The following KTN1 variants were observed in gnomAD, a reference collection of about 807,000 sequenced individuals.
The protein encoded by KTN1 is kinectin 1.
KTN1 carries 130 observed loss-of-function variants against 222.5 expected under a neutral mutation model. The observed-to-expected ratio is 0.58, with a 90% confidence interval of 0.51 to 0.68. The LOEUF (loss-of-function observed/expected upper bound fraction) is 0.68, where lower values mean the gene tolerates loss of function less well. Ranked by LOEUF, KTN1 falls within the 30% of genes least tolerant of loss-of-function variation. The probability of loss-of-function intolerance (pLI) is 0.00; values close to 1 mark genes in which losing one functional copy is unlikely to be tolerated. For synonymous variants in KTN1, 512 were observed against 496.3 expected (o/e 1.03, Z -0.42); for missense variants, 1,508 against 1,500.4 (o/e 1.01, Z -0.08).
chr14:55,674,758 A>G (rs1340650466), intron 40 of KTN1: 1 of 152,080 alleles, frequency 6.6e-6, no homozygotes, highest in African/African-American at 2.4e-5. Context: ...TCAGGAGATC[A>G]TTTTTAGTGG....
In KTN1 at chr14:55,612,500, A is replaced by C. The variant is rs2037732530; in HGVS notation, c.452A>C (p.Gln151Pro). The C allele has an allele frequency of 6.2e-7, 1 of 1,613,042 alleles. No individual in the cohort carries two copies. ...KKVEPVPVTK[Q>P]PTPPSEAAAS... ...GTAGAACCTGTCCCAGTTACTAAAC[A>C]GCCCACCCCTCCCTCTGAAGCAGCT... is the stretch of plus-strand genomic sequence containing the variant. The change falls in exon 2 of 44, where the codon CAG (glutamine) becomes CCG (proline). Residue 151 changes from glutamine (Q) to proline (P), a missense_variant. By Grantham distance (76) the Gln-to-Pro change is moderately conservative. Transcript: ENST00000395314.
chr14:55,656,478 T>C (rs530245908), intron 29 of KTN1: 2 of 177,522 alleles, frequency 1.1e-5, no homozygotes, highest in Non-Finnish European at 2.3e-5. Flanking sequence ...TTTATTTTTA[T>C]TTTTGAGACA....
At chr14:55,589,697 C>T (rs376882976) in intron 1 of KTN1, among the ~76,000 whole-genome samples, 33 of 124,054 alleles carry the variant, frequency 2.7e-4, no homozygotes, top group African/African-American at 8.2e-4. Flanking sequence ...GTCTCTCTGT[C>T]GCCCAGGCTG....
At chr14:55,650,779 T>A (rs2042861356) in intron 24 of KTN1, 142 bp downstream of exon 24, 1 of 551,760 alleles carries the variant, frequency 1.8e-6, no homozygotes, top group East Asian at 3.0e-5. Context: ...ATTTTTTGCC[T>A]GATTTGAGAA....
At chr14:55,658,394 C>T in intron 29 of KTN1, 152 bp from the exon 30 acceptor site, 1 of 592,236 alleles carries the variant, frequency 1.7e-6, no homozygotes, top group Non-Finnish European at 3.0e-6. Context: ...CTAATTTCAT[C>T]ATATGTTTTA....
intron 7 of KTN1, among the ~76,000 whole-genome samples, chr14:55,631,440 G>C (rs1367361668): frequency 1.3e-5 from 2 of 148,712 alleles, no homozygotes; most frequent in African/African-American, 5.0e-5. Context: ...CTTTATGCTT[G>C]AATCCTGTGA....
At chr14:55,647,218 T>C (rs1252883431) in intron 19 of KTN1, among the ~76,000 whole-genome samples, 1 of 152,204 alleles carries the variant, frequency 6.6e-6, no homozygotes, top group Non-Finnish European at 1.5e-5. Context: ...CTTGAGTACA[T>C]TTTACTTGTA....
chr14:55,646,960 A>T lies in KTN1; in HGVS notation c.2173-13A>T, dbSNP rs369893726. The stretch of plus-strand genomic sequence containing the variant: ...TGGTAAAGTTAAACTTTTTTTGGTG[A>T]TTTTTATTTTAGCCTAATAAGGATG... On this transcript the variant is annotated splice_polypyrimidine_tract_variant and intron_variant, in intron 18 of 43. Coordinates refer to ENST00000395314, the MANE Select transcript of KTN1 (RefSeq NM_001079521.2). 3.3e-6 allele frequency: 5 copies of T among 1,499,608 alleles called. No homozygotes were observed. The highest frequency in any genetic ancestry group is 4.6e-6 in the Non-Finnish European group (5 of 1,081,684). 92.9% of individuals were successfully genotyped at this position (1,499,608 alleles called of 1,614,324 possible).
chr14:55,589,908 C>T (rs2033804028), intron 1 of KTN1, among the ~76,000 whole-genome samples: 1 of 151,998 alleles, frequency 6.6e-6, no homozygotes, highest in Non-Finnish European at 1.5e-5. Flanking sequence ...CTGCCCACCT[C>T]AGCCTCCTAA....
At chr14:55,585,722 GGAGAGTAATT>G (rs1302749483) in intron 1 of KTN1, among the ~76,000 whole-genome samples, 1 of 152,164 alleles carries the variant, frequency 6.6e-6, no homozygotes, top group Non-Finnish European at 1.5e-5. Flanking sequence ...TAAGTGAGTA[GGAGAGTAATT>G]GCTAGCCAGA....
At position 55,674,622 on chromosome 14, in the gene KTN1, C is replaced by A. The variant is rs117775265; in HGVS notation, c.3772-1213C>A. 13 of 152,210 alleles carry A rather than the reference C, an allele frequency of 8.5e-5. No homozygotes were observed. The East Asian group carries it at 2.5e-3, about 29-fold the overall frequency. The allele number at this position is 152,210 out of a possible 1,614,324, so 9.4% of individuals were successfully genotyped here. On this transcript the variant is annotated intron_variant, in intron 40 of 43. Transcript: ENST00000395314. ...TCCTCACTCTATGTTTTTAAAAAAT[C>A]ATTTCTAACTAGTTGTTAGAGTTTT...
Position 55,612,313 on chromosome 14 carries a change from G to A in KTN1, c.265G>A (p.Ala89Thr), listed in dbSNP as rs1451505769. The A allele has an allele frequency of 2.5e-6, 4 of 1,613,952 alleles. No individual in the cohort carries two copies. In the African/African-American group the frequency reaches 4.0e-5, roughly 16 times the overall value. ...SVPRDFKLSD[A>T]LAVEDDQVAP... is the part of the protein sequence containing the mutation. Reference sequence around the variant, plus strand: ...ACCTCGAGACTTTAAATTATCAGATGCTTTGGCAGTAGAAGATGATCAAGT... The same window carrying A: ...ACCTCGAGACTTTAAATTATCAGATACTTTGGCAGTAGAAGATGATCAAGT... Residue 89 changes from alanine (A) to threonine (T), a missense_variant, in exon 2 of 44, where the codon GCT becomes ACT. Transcript: ENST00000395314.
chr14:55,584,549 G>C (rs994605234), intron 1 of KTN1, among the ~76,000 whole-genome samples: 1 of 152,140 alleles, frequency 6.6e-6, no homozygotes, highest in African/African-American at 2.4e-5. Flanking sequence ...TCCAGTCTTT[G>C]CTTTTTAAAT....
chr14:55,682,405 A>G (rs2046452876), intron 43 of KTN1: 1 of 152,150 alleles, frequency 6.6e-6, no homozygotes, highest in African/African-American at 2.4e-5. Flanking sequence ...GTTCCCAGAT[A>G]TCTACTCTTT....
intron 1 of KTN1, among the ~76,000 whole-genome samples, chr14:55,585,826 G>A (rs8023112): frequency 0.021 from 3,201 of 152,316 alleles, 120 homozygotes; most frequent in African/African-American, 0.073. Flanking sequence ...CTGTAAGACA[G>A]CTTCCACTTT....
At chr14:55,620,400 G>T (rs927408680) in intron 5 of KTN1, among the ~76,000 whole-genome samples, 1 of 152,206 alleles carries the variant, frequency 6.6e-6, no homozygotes, top group African/African-American at 2.4e-5. Context: ...GGGACTTAGT[G>T]TGTAGGTTTC....
chr14:55,621,139 T>A (rs1186040261), intron 5 of KTN1, among the ~76,000 whole-genome samples: 1 of 152,126 alleles, frequency 6.6e-6, no homozygotes, highest in Non-Finnish European at 1.5e-5. Flanking sequence ...TCGCCTTTAC[T>A]CCATTTCCCA....
intron 20 of KTN1, among the ~76,000 whole-genome samples, chr14:55,648,534 A>C (rs1479532625): frequency 6.6e-6 from 1 of 152,194 alleles, no homozygotes; most frequent in African/African-American, 2.4e-5. Context: ...TAGCTTAACT[A>C]ACAAGTTGTA....
intron 31 of KTN1, among the ~76,000 whole-genome samples, chr14:55,660,150 A>G (rs1449142835): frequency 6.6e-6 from 1 of 151,998 alleles, no homozygotes; most frequent in Non-Finnish European, 1.5e-5. Context: ...GGAGACTGAG[A>G]CGGGAGGATC....
Sources: allele counts gnomAD v4.1 joint callset (sites outside exome capture counted in the v4.1 genomes callset), GRCh38; gene constraint gnomAD v4.1.1; transcripts MANE v1.5; gene names NCBI Gene and HGNC (gene_info 2026-07-23, HGNC 2026-07-21).